The following MPHOSPH10 variants were observed in gnomAD, a reference collection of about 807,000 sequenced individuals.
The protein encoded by MPHOSPH10 is M-phase phosphoprotein 10.
Under a neutral mutation model 77.3 loss-of-function variants are expected in MPHOSPH10, and 33 were observed. The observed-to-expected ratio is 0.43, with a 90% CI of 0.32 to 0.57. The LOEUF (loss-of-function observed/expected upper bound fraction) is 0.57, where lower values mean the gene tolerates loss of function less well. Ranked by LOEUF, MPHOSPH10 falls within the 20% of genes least tolerant of loss-of-function variation. The pLI is 0.07. For missense variants in MPHOSPH10, 708 were observed against 780.1 expected, an observed-to-expected ratio of 0.91 and a Z score of 1.10; for synonymous variants, 245 against 268.0, an observed-to-expected ratio of 0.91 and a Z score of 0.84.
rs150757204 is a variant in MPHOSPH10, at chr2:71,133,301, G to A, written c.493G>A (p.Val165Ile). 1.9e-3 allele frequency: 3,102 copies of A among 1,614,062 alleles called. 7 individuals carry two copies. The highest frequency in any genetic ancestry group is 0.01 in the Middle Eastern group (62 of 6,062). The stretch of plus-strand genomic sequence containing the variant: ...CAAATCTGATCTGAGGAAAAGCCCC[G>A]TTTTCAGTGATGAGGATTCTGACCT... ...SSKSDLRKSP[V>I]FSDEDSDLDF... Residue 165 changes from valine to isoleucine, a missense_variant, in exon 2 of 11, where the codon GTT (valine) becomes ATT (isoleucine). By Grantham distance (29) the Val-to-Ile change is conservative (BLOSUM62 3). Transcript: ENST00000244230.
At chr2:71,139,706 G>T in intron 5 of MPHOSPH10, 89 bp from the exon 6 acceptor site, 1 of 835,224 alleles carries the variant, frequency 1.2e-6, no homozygotes, top group Non-Finnish European at 1.9e-6. Context: ...AAGTTCCCAC[G>T]TGTTGCTGAT....
chr2:71,143,839 CT>C, intron 7 of MPHOSPH10, among the ~76,000 whole-genome samples: 1 of 152,318 alleles, frequency 6.6e-6, no homozygotes, highest in Admixed American at 6.5e-5. Context: ...CACAGTTTAT[CT>C]GCTTATCCAC....
At chr2:71,142,237 T>G (rs927224379) in intron 7 of MPHOSPH10, among the ~76,000 whole-genome samples, 2 of 152,154 alleles carry the variant, frequency 1.3e-5, no homozygotes, top group African/African-American at 4.8e-5. Flanking sequence ...TGAATGCCCC[T>G]CAGTTAGCAA....
intron 10 of MPHOSPH10, 75 bp downstream of exon 10, chr2:71,149,528 A>T: frequency 7.2e-7 from 1 of 1,384,268 alleles, no homozygotes; most frequent in Non-Finnish European, 1.0e-6. Flanking sequence ...GGGTGACTGG[A>T]ATGTCTGAGC....
chr2:71,135,587 G>T (rs1673472405), intron 4 of MPHOSPH10, among the ~76,000 whole-genome samples: 1 of 151,780 alleles, frequency 6.6e-6, no homozygotes, highest in East Asian at 1.9e-4. Flanking sequence ...TTTTTTCTCT[G>T]TCCCTAATAT....
At chr2:71,133,895 T>A in intron 2 of MPHOSPH10, 53 bp from the exon 3 acceptor site, 1 of 1,235,438 alleles carries the variant, frequency 8.1e-7, no homozygotes, top group Non-Finnish European at 1.1e-6. Flanking sequence ...TATGCATGTG[T>A]TAATATATTT....
intron 4 of MPHOSPH10, 103 bp from the exon 5 acceptor site, chr2:71,138,387 A>G: frequency 2.2e-6 from 2 of 897,018 alleles, no homozygotes; most frequent in Non-Finnish European, 1.7e-6. Context: ...ATCGTAGAAC[A>G]GTACGTTTCT....
chr2:71,146,813 T>C (rs1022156097), intron 8 of MPHOSPH10, among the ~76,000 whole-genome samples: 18 of 152,226 alleles, frequency 1.2e-4, no homozygotes, highest in African/African-American at 4.3e-4. Flanking sequence ...ATGGCTTGTT[T>C]TTGTTCTTTG....
intron 4 of MPHOSPH10, among the ~76,000 whole-genome samples, chr2:71,135,799 TTCAA>T (rs1458139038): frequency 6.7e-6 from 1 of 149,662 alleles, no homozygotes; most frequent in Non-Finnish European, 1.5e-5. Flanking sequence ...ACCTCCCAGG[TTCAA>T]TCAATTTTCC....
At chr2:71,139,972 A>T in intron 6 of MPHOSPH10, 110 bp downstream of exon 6, 4 of 775,756 alleles carry the variant, frequency 5.2e-6, no homozygotes, top group Non-Finnish European at 8.4e-6. Flanking sequence ...CTTAGTGTTC[A>T]CAAACCTTAA....
At chr2:71,137,099 G>A (rs1673511285) in intron 4 of MPHOSPH10, among the ~76,000 whole-genome samples, 2 of 150,268 alleles carry the variant, frequency 1.3e-5, no homozygotes, top group Non-Finnish European at 1.5e-5. Flanking sequence ...AAGACATTAA[G>A]GAGAAAAAAC....
intron 8 of MPHOSPH10, among the ~76,000 whole-genome samples, chr2:71,146,846 C>T (rs1673719442): frequency 6.6e-6 from 1 of 152,134 alleles, no homozygotes; most frequent in Admixed American, 6.6e-5. Context: ...GAGCAAATAA[C>T]TCCATGGACA....
At position 71,133,242 on chromosome 2, in the gene MPHOSPH10, A is replaced by G; in HGVS notation, c.434A>G (p.Asp145Gly). 1.2e-6 allele frequency: 2 copies of G among 1,614,140 alleles called. No homozygotes were observed. The highest frequency in any genetic ancestry group is 1.3e-5 in the African/African-American group (1 of 75,046). Residue 145 changes from aspartate to glycine, a missense_variant, in exon 2 of 11, where the codon GAT becomes GGT. Around this residue, in one of 3 missense-constraint regions of MPHOSPH10, gnomAD observed 433 missense variants for 432.6 expected, o/e 1.00. Coordinates refer to ENST00000244230, the MANE Select transcript of MPHOSPH10 (RefSeq NM_005791.3). ...GAAGTGTCCGACATGGGTAATGATG[A>G]TCCTGAAATGGGTGAGAGAGCTGAA... Reference protein sequence around the residue: ...EEEVSDMGNDDPEMGERAENS... With the variant: ...EEEVSDMGNDGPEMGERAENS...
intron 4 of MPHOSPH10, among the ~76,000 whole-genome samples, chr2:71,137,798 G>A (rs1673525898): frequency 6.6e-6 from 1 of 152,116 alleles, no homozygotes; most frequent in Non-Finnish European, 1.5e-5. Context: ...AGAGAATTCT[G>A]TAAGGTAGCT....
rs1159731419 is a variant in MPHOSPH10 at position 71,138,610 on chromosome 2, T to A, written c.1219T>A (p.Phe407Ile). The A allele has an allele frequency of 6.2e-7, 1 of 1,614,208 alleles. No individual in the cohort carries two copies. Among genetic ancestry groups the A allele is most frequent in the Non-Finnish European group, 8.5e-7 (1 of 1,180,028 alleles). Reference protein sequence around the residue: ...ENSLLEETLHFDHAVRMAPVI... With the variant: ...ENSLLEETLHIDHAVRMAPVI... The stretch of plus-strand genomic sequence containing the variant: ...CAGCCTCCTGGAGGAGACCCTACAC[T>A]TTGACCATGCTGTCCGGATGGGTAT... The change falls in exon 5 of 11, where the codon TTT becomes ATT. Residue 407 changes from phenylalanine to isoleucine, a missense_variant. Physicochemically the swap from Phe to Ile is conservative, Grantham distance 21. Transcript: ENST00000244230.
At chr2:71,134,202 T>G (rs9941620) in intron 3 of MPHOSPH10, 97 bp downstream of exon 3, 382,085 of 1,182,462 alleles carry the variant, frequency 0.32, 61,876 homozygotes, top group Admixed American at 0.42. Context: ...TAGCAAGTTC[T>G]ATTCTCTAAT....
At chr2:71,139,905 A>T (rs746611450) in intron 6 of MPHOSPH10, 43 bp downstream of exon 6, 1 of 1,320,290 alleles carries the variant, frequency 7.6e-7, no homozygotes, top group Admixed American at 1.8e-5. Context: ...TGTCACCAAG[A>T]TTTTTAGAAA....
At chr2:71,139,105 T>G (rs1440435262) in intron 5 of MPHOSPH10, 1 of 216,216 alleles carries the variant, frequency 4.6e-6, no homozygotes, top group Non-Finnish European at 9.3e-6. Context: ...AACACCTATA[T>G]GCTATTCAAT....
rs773267079 is a variant in MPHOSPH10, at chr2:71,134,639, G to T, written c.940G>T (p.Asp314Tyr). Residue 314 changes from aspartate to tyrosine, a missense_variant, in exon 4 of 11, where the codon GAC becomes TAC. Asp to Tyr is a radical substitution (Grantham distance 160, BLOSUM62 -3). Transcript: ENST00000244230. ...LSISETDEDDDLQENEDNKQH... is the reference protein window; with the variant it reads ...LSISETDEDDYLQENEDNKQH... ...TTGGTATTGTAGGGATGAAGATGATGACCTTCAAGAAAATGAAGACAATAA... is the reference window on the plus strand; with the variant it reads ...TTGGTATTGTAGGGATGAAGATGATTACCTTCAAGAAAATGAAGACAATAA... 2.5e-6 allele frequency: 4 copies of T among 1,601,138 alleles called. No homozygotes were observed. In the South Asian group the frequency reaches 4.6e-5, roughly 18 times the overall value.
Sources: gnomAD v4.1 joint callset for allele counts (sites outside exome capture counted in the v4.1 genomes callset) on GRCh38, gnomAD v4.1.1 for gene constraint, gnomAD v4.1.1 regional missense constraint, MANE v1.5 for transcripts, NCBI Gene and HGNC (gene_info 2026-07-23, HGNC 2026-07-21) for gene names.